ZMYND11: variants seen among roughly 807,000 people sequenced by gnomAD.
ZMYND11 encodes the protein zinc finger MYND-type containing 11.
In ZMYND11, 9 loss-of-function variants were observed where a neutral mutation model predicts 84.9. That is an observed-to-expected ratio of 0.11 (90% CI 0.06 to 0.18). The LOEUF (loss-of-function observed/expected upper bound fraction) is 0.18. Among genes scored for constraint, ZMYND11 ranks in the 10% least tolerant of loss-of-function variants. The pLI is 1.00. For missense variants in ZMYND11, 409 were observed against 761.0 expected, an observed-to-expected ratio of 0.54 and a Z score of 5.44; for synonymous variants, 250 against 244.1, an observed-to-expected ratio of 1.02 and a Z score of -0.23.
At chr10:248,634 C>T in intron 13 of ZMYND11, 26 bp downstream of exon 13, 1 of 1,572,656 alleles carries the variant, frequency 6.4e-7, no homozygotes, top group Non-Finnish European at 8.6e-7. Context: ...ACTGTGGGTG[C>T]CCTGCTGCAG....
At chr10:177,938 T>A (rs1847023920) in intron 1 of ZMYND11, among the ~76,000 whole-genome samples, 1 of 152,208 alleles carries the variant, frequency 6.6e-6, no homozygotes, top group South Asian at 2.1e-4. Flanking sequence ...TGTTATATAT[T>A]TTATTTCTAC....
chr10:226,690 C>T (rs1233895595), intron 4 of ZMYND11, among the ~76,000 whole-genome samples: 1 of 152,092 alleles, frequency 6.6e-6, no homozygotes, highest in Non-Finnish European at 1.5e-5. Context: ...CAGTGAGCTA[C>T]CCGTTTTCTT....
intron 4 of ZMYND11, among the ~76,000 whole-genome samples, chr10:223,846 A>G (rs904182173): frequency 3.3e-4 from 50 of 152,170 alleles, no homozygotes; most frequent in African/African-American, 1.2e-3. Flanking sequence ...GCCGTTTTTT[A>G]GGAGAGTGAC....
At chr10:237,732 T>C in intron 6 of ZMYND11, 55 bp downstream of exon 6, 1 of 1,389,228 alleles carries the variant, frequency 7.2e-7, no homozygotes, top group Non-Finnish European at 1.0e-6. Context: ...ACTAACAAGT[T>C]AAAGAATAAT....
In ZMYND11 at chr10:253,645, T is replaced by G. The variant is rs957290006; in HGVS notation, c.*1175T>G. 2.0e-5 allele frequency: 3 copies of G among 152,652 alleles called. No homozygotes were observed. The highest frequency in any genetic ancestry group is 4.8e-5 in the African/African-American group (2 of 41,470). The allele number at this position is 152,652 out of a possible 1,614,324, so 9.5% of individuals were successfully genotyped here. Reference sequence around the variant, plus strand: ...ATATATAAAATACAGCCAGGAAAACTTAAATTACTTTTCTTTTAAAATATC... The same window carrying G: ...ATATATAAAATACAGCCAGGAAAACGTAAATTACTTTTCTTTTAAAATATC... On this transcript the variant is annotated 3_prime_UTR_variant, in exon 15 of 15. Transcript: ENST00000381604.
At chr10:219,821 C>T (rs887063771) in intron 3 of ZMYND11, among the ~76,000 whole-genome samples, 2 of 152,172 alleles carry the variant, frequency 1.3e-5, no homozygotes, top group Non-Finnish European at 2.9e-5. Flanking sequence ...TAGCAAATAA[C>T]TAAAAATGGT....
intron 4 of ZMYND11, among the ~76,000 whole-genome samples, chr10:233,222 T>TA (rs11447902): frequency 0.25 from 37,748 of 151,998 alleles, 5,846 homozygotes; most frequent in Non-Finnish European, 0.35. Flanking sequence ...TCCTTTGAGG[T>TA]AAAATTCACA....
chr10:240,826 A>T, intron 8 of ZMYND11, 67 bp from the exon 9 acceptor site: 3 of 1,145,248 alleles, frequency 2.6e-6, no homozygotes. Context: ...TTACATGGAT[A>T]CATTTTATAT....
chr10:233,415 G>A (rs1949367977), intron 4 of ZMYND11, among the ~76,000 whole-genome samples: 1 of 152,192 alleles, frequency 6.6e-6, no homozygotes, highest in South Asian at 2.1e-4. Flanking sequence ...TGAGGGATAA[G>A]TTTGGCCTGT....
intron 10 of ZMYND11, among the ~76,000 whole-genome samples, chr10:243,078 G>T (rs1951370610): frequency 6.6e-6 from 1 of 152,160 alleles, no homozygotes; most frequent in Admixed American, 6.5e-5. Context: ...AGGAAATAAT[G>T]TATTTTTGGT....
Position 252,641 on chromosome 10 carries a change from C to T in ZMYND11, c.*171C>T, listed in dbSNP as rs983334789. 2.7e-5 allele frequency: 22 copies of T among 803,998 alleles called. No homozygotes were observed. The highest frequency in any genetic ancestry group is 1.4e-4 in the South Asian group (5 of 36,918). The allele number at this position is 803,998 out of a possible 1,614,324, so 49.8% of individuals were successfully genotyped here. A position where few individuals can be genotyped will look rare whatever the true frequency, so the allele number is the denominator to read the frequency against. On this transcript the variant is annotated 3_prime_UTR_variant, in exon 15 of 15. Coordinates refer to ENST00000381604, the MANE Select transcript of ZMYND11 (RefSeq NM_001370100.5). The surrounding 1 kb of genome is among the most constrained non-coding windows in gnomAD (Gnocchi z 4.6). ...TTTAAATCTTTTGTTAATGCTCCTC[C>T]GAAGTTTTTCAGGGGGTAAAAGTAA...
At chr10:149,403 T>C (rs2131295276) in intron 1 of ZMYND11, among the ~76,000 whole-genome samples, 1 of 151,738 alleles carries the variant, frequency 6.6e-6, no homozygotes, top group Non-Finnish European at 1.5e-5. Flanking sequence ...CTCCGCCTCC[T>C]GGGTTCACGC....
rs1021647523 is a variant in ZMYND11, at chr10:153,949, C to T, written c.-20+18390C>T. Among the ~76,000 whole-genome samples, 4 of 152,214 alleles carry T rather than the reference C, an allele frequency of 2.6e-5. No homozygotes were observed. The East Asian group carries it at 7.7e-4, about 29-fold the overall frequency. ...GTTTCATGCCATATCACCTTTTGAA[C>T]ATGAGACAGCCAGCACTAGCCAAGA... On this transcript the variant is annotated intron_variant, in intron 1 of 14. Coordinates refer to ENST00000381604, the MANE Select transcript of ZMYND11 (RefSeq NM_001370100.5).
chr10:234,353 G>T (rs902375918), intron 4 of ZMYND11, among the ~76,000 whole-genome samples: 1 of 152,228 alleles, frequency 6.6e-6, no homozygotes, highest in Non-Finnish European at 1.5e-5. Flanking sequence ...CTACTCAAGG[G>T]ACCACAGAGC....
chr10:209,916 C>T lies in ZMYND11; in HGVS notation c.144C>T (p.His48=). The T allele has an allele frequency of 1.9e-6, 3 of 1,613,974 alleles. No homozygotes were observed. The highest frequency in any genetic ancestry group is 2.2e-5 in the South Asian group (2 of 91,062). The change falls in exon 3 of 15, where the codon CAC becomes CAT. Residue 48 remains histidine (H), a synonymous_variant. Transcript: ENST00000381604. ...ATATGTCTCGAGTCCACGGTATGCA[C>T]CCTAAAGAGACCACCCGTCAGCTGA... ...TKYMSRVHGM[H]PKETTRQLSL...
At chr10:155,258 A>T (rs1453604733) in intron 1 of ZMYND11, among the ~76,000 whole-genome samples, 1 of 152,208 alleles carries the variant, frequency 6.6e-6, no homozygotes, top group Non-Finnish European at 1.5e-5. Flanking sequence ...ACTACATACA[A>T]TTTAAAAATG....
intron 9 of ZMYND11, among the ~76,000 whole-genome samples, chr10:241,749 C>G (rs1482270200): frequency 6.6e-6 from 1 of 152,180 alleles, no homozygotes; most frequent in Non-Finnish European, 1.5e-5. Flanking sequence ...CCCAGCTGCA[C>G]TTGGCCAAGC....
chr10:174,931 C>T (rs533589432), intron 1 of ZMYND11, among the ~76,000 whole-genome samples: 1 of 151,438 alleles, frequency 6.6e-6, no homozygotes, highest in South Asian at 2.1e-4. Context: ...ACATGCTTGT[C>T]ATTCATACAT....
At chr10:194,671 C>T (rs1941305396) in intron 2 of ZMYND11, among the ~76,000 whole-genome samples, 1 of 152,156 alleles carries the variant, frequency 6.6e-6, no homozygotes, top group Admixed American at 6.5e-5. Flanking sequence ...CTGATACAAG[C>T]ATATTTTAAT....
Sources: allele counts gnomAD v4.1 joint callset (sites outside exome capture counted in the v4.1 genomes callset), GRCh38; gene constraint gnomAD v4.1.1; non-coding constraint Gnocchi (gnomAD v3.1); transcripts MANE v1.5; gene names NCBI Gene and HGNC (gene_info 2026-07-23, HGNC 2026-07-21).